The following FLT4 variants were observed in gnomAD, a reference collection of about 807,000 sequenced individuals.
FLT4 encodes vascular endothelial growth factor receptor 3.
A neutral mutation model predicts 163.2 loss-of-function variants in FLT4; 30 were observed. The ratio of observed to expected loss-of-function variants is 0.18; its 90% CI spans 0.14 to 0.25. The LOEUF (loss-of-function observed/expected upper bound fraction) is 0.25, where lower values mean the gene tolerates loss of function less well. Among genes scored for constraint, FLT4 ranks in the 10% least tolerant of loss-of-function variants. The pLI is 1.00. For missense variants in FLT4, 1,510 were observed against 1,863.8 expected (o/e 0.81, Z 3.50); for synonymous variants, 884 against 789.5 (o/e 1.12, Z -2.01).
chr5:180,624,224 G>A (rs1183037383), intron 10 of FLT4, among the ~76,000 whole-genome samples, 163 bp from the exon 11 acceptor site: 49 of 147,192 alleles, frequency 3.3e-4, no homozygotes, highest in African/African-American at 1.2e-3. Flanking sequence ...AGGGGACTTT[G>A]GTGTTTTTTT....
At chr5:180,633,824 C>T (rs1019652073) in intron 1 of FLT4, among the ~76,000 whole-genome samples, 4 of 152,154 alleles carry the variant, frequency 2.6e-5, no homozygotes, top group African/African-American at 4.8e-5. Flanking sequence ...TCCCAGTGGA[C>T]CTAGCGGGAG....
At chr5:180,643,704 A>C (rs1581715134) in intron 1 of FLT4, among the ~76,000 whole-genome samples, 1 of 150,316 alleles carries the variant, frequency 6.7e-6, no homozygotes, top group African/African-American at 2.5e-5. Context: ...GCCCCTCCCC[A>C]CCTCTGACGT....
chr5:180,603,175 G>T lies in FLT4; in HGVS notation c.*17C>A, dbSNP rs199812896. 6.2e-7 allele frequency: 1 copy of T among 1,613,160 alleles called. No homozygotes were observed. On this transcript the variant is annotated 3_prime_UTR_variant, in exon 30 of 30. Coordinates refer to ENST00000261937, the MANE Select transcript of FLT4 (RefSeq NM_182925.5). ...GGGCCTGAACCCCCAAGTGCTGGGG[G>T]TCTTGTCCGATGCTGCTTAGTAGCT...
Position 180,636,566 on chromosome 5 carries a change from C to T in FLT4, c.59-4788G>A, listed in dbSNP as rs1407393055. ...TGGCTCACCATCCCCCCCACCCCAG[C>T]TCCTGCCCTTCTCCATGACTTCACC... On this transcript the variant is annotated intron_variant, in intron 1 of 29. Transcript: ENST00000261937. The surrounding 1 kb of genome is among the most constrained non-coding windows in gnomAD (Gnocchi z 4.3). Among the ~76,000 whole-genome samples, 3 of 149,292 alleles carry T rather than the reference C, an allele frequency of 2.0e-5. No individual in the cohort carries two copies. Among genetic ancestry groups the T allele is most frequent in the Admixed American group, 2.0e-4 (3 of 15,054 alleles).
In FLT4 at chr5:180,601,602, G is replaced by A. The variant is rs1304118131; in HGVS notation, c.*1590C>T. 9.9e-5 allele frequency: 23 copies of A among 233,220 alleles called. No individual in the cohort carries two copies. The East Asian group carries it at 1.3e-3, about 13-fold the overall frequency. 14.4% of individuals were successfully genotyped at this position (233,220 alleles called of 1,614,324 possible). On this transcript the variant is annotated 3_prime_UTR_variant, in exon 30 of 30. Coordinates refer to ENST00000261937, the MANE Select transcript of FLT4 (RefSeq NM_182925.5). ...GAACATGGTCTAGAAGGGCATAGTA[G>A]TTTTTTTCCCGGTACATGCGTGGGT...
chr5:180,642,298 C>T (rs1014464621), intron 1 of FLT4, among the ~76,000 whole-genome samples: 1 of 151,966 alleles, frequency 6.6e-6, no homozygotes, highest in African/African-American at 2.4e-5. Context: ...TTTGCTACAG[C>T]TGCTGTATCA....
Position 180,621,318 on chromosome 5 carries a change from G to T in FLT4, c.2021-66C>A, listed in dbSNP as rs1046081165. The stretch of plus-strand genomic sequence containing the variant: ...TTAGCAGGAGGACCCTCTTTGGGCT[G>T]GGAGCAGAGGTAGAAAAGGATCCCT... On this transcript the variant is annotated intron_variant, in intron 13 of 29. Transcript: ENST00000261937. 1.5e-5 allele frequency: 23 copies of T among 1,547,462 alleles called. No homozygotes were observed. The Admixed American group carries it at 1.8e-4, about 12-fold the overall frequency.
rs1425406470 is a variant in FLT4 at position 180,649,563 on chromosome 5, G to A, written c.-18C>T. ...CGCTGCATCTCCGGCCGCTGCGCGT[G>A]GGTCCGACCCGAGCGGCCGCGGCTC... On this transcript the variant is annotated 5_prime_UTR_variant, in exon 1 of 30. Coordinates refer to ENST00000261937, the MANE Select transcript of FLT4 (RefSeq NM_182925.5). 2 of 1,390,312 alleles carry A rather than the reference G, an allele frequency of 1.4e-6. No homozygotes were observed. The highest frequency in any genetic ancestry group is 3.3e-5 in the East Asian group (1 of 30,618). The allele number at this position is 1,390,312 out of a possible 1,614,324, so 86.1% of individuals were successfully genotyped here. A position where few individuals can be genotyped will look rare whatever the true frequency, so the allele number is the denominator to read the frequency against.
At position 180,606,916 on chromosome 5, in the gene FLT4, C is replaced by CA. The variant is rs146958861; in HGVS notation, c.3893+2051dup. On this transcript the variant is annotated intron_variant, in intron 29 of 29. Transcript: ENST00000261937. ...ACTAAAAAAAAAAAAAAAAAAAAAA[C>CA]AAACAAACAAACTTAGCTGGGCGTG... 2.8e-3 allele frequency among the ~76,000 whole-genome samples: 391 copies of CA among 138,916 alleles called. 2 individuals carry two copies. Among genetic ancestry groups the CA allele is most frequent in the African/African-American group, 0.01 (361 of 36,014 alleles). The allele number at this position is 138,916 out of a possible 152,430, so 91.1% of individuals were successfully genotyped here. A position where few individuals can be genotyped will look rare whatever the true frequency, so the allele number is the denominator to read the frequency against.
chr5:180,621,372 G>C, intron 13 of FLT4, 120 bp from the exon 14 acceptor site: 2 of 1,408,884 alleles, frequency 1.4e-6, no homozygotes, highest in Non-Finnish European at 1.9e-6. Context: ...TTGTGCGCCG[G>C]GCAGGAGCGC....
In FLT4 at chr5:180,648,001, C is replaced by T. The variant is rs113844086; in HGVS notation, c.58+1487G>A. On this transcript the variant is annotated intron_variant, in intron 1 of 29. Coordinates refer to ENST00000261937, the MANE Select transcript of FLT4 (RefSeq NM_182925.5). Reference sequence around the variant, plus strand: ...CCCTCTGGGCCCCTCCTCCAGGGTTCCCCTCCCGGGTCTCTCTCTTCCTCT... The same window carrying T: ...CCCTCTGGGCCCCTCCTCCAGGGTTTCCCTCCCGGGTCTCTCTCTTCCTCT... Among the ~76,000 whole-genome samples the T allele has an allele frequency of 2.2e-4, 34 of 152,312 alleles. 1 individual carries two copies. Among genetic ancestry groups the T allele is most frequent in the African/African-American group, 7.9e-4 (33 of 41,568 alleles).
chr5:180,626,404 C>T (rs1007621926), intron 8 of FLT4, 139 bp from the exon 9 acceptor site: 23 of 916,468 alleles, frequency 2.5e-5, no homozygotes, highest in East Asian at 5.1e-5. Context: ...CACTGGTCTG[C>T]GAGGGGATGG....
chr5:180,612,021 C>A (rs1762243937), intron 26 of FLT4, among the ~76,000 whole-genome samples: 1 of 152,220 alleles, frequency 6.6e-6, no homozygotes, highest in African/African-American at 2.4e-5. Context: ...CAACAGGCCA[C>A]CCCCTGCTTC....
chr5:180,605,772 C>T (rs1031482429), intron 29 of FLT4, among the ~76,000 whole-genome samples: 4 of 152,232 alleles, frequency 2.6e-5, no homozygotes, highest in African/African-American at 7.2e-5. Flanking sequence ...ACTGGCTGCA[C>T]GCAGCCATGC....
At chr5:180,618,722 A>C in intron 21 of FLT4, 48 bp downstream of exon 21, 1 of 1,551,056 alleles carries the variant, frequency 6.4e-7, no homozygotes, top group Non-Finnish European at 8.7e-7. Flanking sequence ...CACGGGATAT[A>C]ACCGGGCCCG....
In FLT4 at chr5:180,613,133, G is replaced by A. The variant is rs757897365; in HGVS notation, c.3332-23C>T. 8 of 1,573,852 alleles carry A rather than the reference G, an allele frequency of 5.1e-6. No homozygotes were observed. In the South Asian group the frequency reaches 5.5e-5, roughly 11 times the overall value. On this transcript the variant is annotated intron_variant, in intron 24 of 29. Transcript: ENST00000261937. ...CCCCTGACAACAGGAAGGGGAGGTG[G>A]GTGGGGAGCAAGCCTCCTGCGGCTC...
In FLT4 at chr5:180,601,564, C is replaced by T. The variant is rs1424634670; in HGVS notation, c.*1628G>A. 3.0e-5 allele frequency: 7 copies of T among 233,110 alleles called. No homozygotes were observed. Among genetic ancestry groups the T allele is most frequent in the Non-Finnish European group, 5.9e-5 (7 of 118,050 alleles). 14.4% of individuals were successfully genotyped at this position (233,110 alleles called of 1,614,324 possible). Reference sequence around the variant, plus strand: ...ATTATTATCTCTTGTTAAATATTTTCGATCTTTTCTCAGAACATGGTCTAG... The same window carrying T: ...ATTATTATCTCTTGTTAAATATTTTTGATCTTTTCTCAGAACATGGTCTAG... On this transcript the variant is annotated 3_prime_UTR_variant, in exon 30 of 30. Coordinates refer to ENST00000261937, the MANE Select transcript of FLT4 (RefSeq NM_182925.5).
intron 1 of FLT4, among the ~76,000 whole-genome samples, chr5:180,635,960 G>A (rs1344692451): frequency 6.8e-6 from 1 of 147,758 alleles, no homozygotes; most frequent in Non-Finnish European, 1.5e-5. Flanking sequence ...TGGATGGGTG[G>A]GTGGGTGGAT....
At chr5:180,619,468 G>T (rs1454038437) in intron 18 of FLT4, 102 bp from the exon 19 acceptor site, 1 of 1,028,024 alleles carries the variant, frequency 9.7e-7, no homozygotes, top group Non-Finnish European at 1.5e-6. Flanking sequence ...GGGCCCCCAG[G>T]ACATCCTGCC....
Sources: allele counts gnomAD v4.1 joint callset (sites outside exome capture counted in the v4.1 genomes callset), GRCh38; gene constraint gnomAD v4.1.1; non-coding constraint Gnocchi (gnomAD v3.1); transcripts MANE v1.5; gene names NCBI Gene and HGNC (gene_info 2026-07-23, HGNC 2026-07-21).